Variants in ZNF804B observed in about 807,000 individuals in gnomAD.
ZNF804B encodes the protein zinc finger protein 804B.
In ZNF804B, 80 loss-of-function variants were observed where a neutral mutation model predicts 101.4. That is an observed-to-expected ratio of 0.79 (90% confidence interval 0.66 to 0.95). ZNF804B has a LOEUF of 0.95. Among genes scored for constraint, ZNF804B ranks in the 40% least tolerant of loss-of-function variants. ZNF804B has a pLI of 0.00. For missense variants in ZNF804B, 1,673 were observed against 1,561.9 expected, an observed-to-expected ratio of 1.07 and a Z score of -1.20; for synonymous variants, 622 against 558.8, an observed-to-expected ratio of 1.11 and a Z score of -1.59.
intron 1 of ZNF804B, among the ~76,000 whole-genome samples, chr7:89,153,757 CTG>C (rs550222023): frequency 1.1e-3 from 174 of 152,210 alleles, no homozygotes; most frequent in Middle Eastern, 6.8e-3. Flanking sequence ...TCCTCTGAGA[CTG>C]TTCTATTGAA....
At chr7:89,206,928 CTT>C (rs1401599556) in intron 1 of ZNF804B, among the ~76,000 whole-genome samples, 2 of 152,214 alleles carry the variant, frequency 1.3e-5, no homozygotes, top group African/African-American at 4.8e-5. Flanking sequence ...CTGCCAGTCT[CTT>C]TGCTAAAACA....
intron 1 of ZNF804B, among the ~76,000 whole-genome samples, chr7:89,176,961 T>A (rs1791332523): frequency 6.6e-6 from 1 of 152,134 alleles, no homozygotes. Flanking sequence ...TTATTTGAAT[T>A]TCTGTGGCAT....
intron 2 of ZNF804B, among the ~76,000 whole-genome samples, chr7:89,267,816 G>T (rs1479145825): frequency 6.6e-6 from 1 of 152,004 alleles, no homozygotes; most frequent in Admixed American, 6.6e-5. Context: ...AAGTACCTTG[G>T]GTAGGATAGA....
intron 1 of ZNF804B, among the ~76,000 whole-genome samples, chr7:89,141,370 C>A (rs1584011227): frequency 6.6e-6 from 1 of 152,004 alleles, no homozygotes; most frequent in African/African-American, 2.4e-5. Context: ...AAAAAAGACA[C>A]CTTCTGTGAA....
chr7:88,982,656 G>A (rs776461627), intron 1 of ZNF804B, among the ~76,000 whole-genome samples: 1 of 152,060 alleles, frequency 6.6e-6, no homozygotes, highest in Middle Eastern at 3.4e-3. Context: ...TTTTACCTTA[G>A]TTACACCCCT....
intron 1 of ZNF804B, among the ~76,000 whole-genome samples, chr7:88,816,020 T>G (rs1790870315): frequency 6.6e-6 from 1 of 152,152 alleles, no homozygotes; most frequent in Admixed American, 6.5e-5. Context: ...ACTCCGACTC[T>G]AAATATTTCA....
At chr7:89,257,675 A>T (rs922977879) in intron 2 of ZNF804B, among the ~76,000 whole-genome samples, 7 of 152,146 alleles carry the variant, frequency 4.6e-5, no homozygotes, top group African/African-American at 1.4e-4. Context: ...AGTAAATTGC[A>T]TGTTGTAGGG....
chr7:88,938,649 A>G (rs1793009068), intron 1 of ZNF804B, among the ~76,000 whole-genome samples: 1 of 152,054 alleles, frequency 6.6e-6, no homozygotes. Context: ...TCAGGTATAT[A>G]CTGGCTTTCT....
intron 2 of ZNF804B, among the ~76,000 whole-genome samples, chr7:89,227,716 A>T (rs895637451): frequency 5.9e-5 from 9 of 152,124 alleles, no homozygotes; most frequent in African/African-American, 1.2e-4. Flanking sequence ...AGAGAGAGAG[A>T]GTGTTCCACA....
chr7:89,175,950 A>T (rs2115564808), intron 1 of ZNF804B, among the ~76,000 whole-genome samples: 1 of 152,114 alleles, frequency 6.6e-6, no homozygotes, highest in East Asian at 1.9e-4. Flanking sequence ...TAGTTCTAAT[A>T]GTTTCTGGTA....
rs150475732 is a variant in ZNF804B, at chr7:88,964,236, C to T, written c.108+204152C>T. On this transcript the variant is annotated intron_variant, in intron 1 of 3. Coordinates refer to ENST00000333190, the MANE Select transcript of ZNF804B (RefSeq NM_181646.5). ...GAACAGATATTTTTACACCAATTTT[C>T]ATAGCTGTGTTATTCACAATTGCCA... Among the ~76,000 whole-genome samples, 70 of 151,486 alleles carry T rather than the reference C, an allele frequency of 4.6e-4. 1 individual carries two copies. In the East Asian group the frequency reaches 0.013, roughly 29 times the overall value.
Position 89,276,105 on chromosome 7 carries a change from G to T in ZNF804B, c.250-51239G>T, listed in dbSNP as rs545927336. On this transcript the variant is annotated intron_variant, in intron 2 of 3. Transcript: ENST00000333190. ...ACACCATATATTTTCATGTATAAGT[G>T]GGAGATGAAAAATGAGAACACATGG... Among the ~76,000 whole-genome samples, 10 of 151,890 alleles carry T rather than the reference G, an allele frequency of 6.6e-5. No individual in the cohort carries two copies. The South Asian group carries it at 1.7e-3, about 25-fold the overall frequency.
intron 2 of ZNF804B, among the ~76,000 whole-genome samples, chr7:89,279,206 C>G (rs971862423): frequency 2.6e-4 from 39 of 151,980 alleles, no homozygotes; most frequent in African/African-American, 8.5e-4. Flanking sequence ...GATTTTGTAT[C>G]CTGAGACTTT....
At chr7:88,984,326 G>A (rs1465337558) in intron 1 of ZNF804B, among the ~76,000 whole-genome samples, 2 of 152,030 alleles carry the variant, frequency 1.3e-5, no homozygotes, top group Admixed American at 6.6e-5. Context: ...TAACTAGATT[G>A]CAAATGTTAC....
intron 1 of ZNF804B, among the ~76,000 whole-genome samples, chr7:89,054,909 T>C (rs1171103715): frequency 6.6e-6 from 1 of 152,104 alleles, no homozygotes; most frequent in Admixed American, 6.6e-5. Context: ...TTCAAGGCAT[T>C]GATACTTATC....
At chr7:89,030,673 T>G (rs1323406120) in intron 1 of ZNF804B, among the ~76,000 whole-genome samples, 1 of 152,176 alleles carries the variant, frequency 6.6e-6, no homozygotes, top group Non-Finnish European at 1.5e-5. Flanking sequence ...TTCCCTTGTC[T>G]TTTTCCTAAT....
At chr7:89,137,231 G>A (rs1004692873) in intron 1 of ZNF804B, among the ~76,000 whole-genome samples, 2 of 152,018 alleles carry the variant, frequency 1.3e-5, no homozygotes, top group Non-Finnish European at 2.9e-5. Context: ...GTGCTCAGAT[G>A]ATGTTAAGGT....
At chr7:89,031,377 T>C (rs915143477) in intron 1 of ZNF804B, among the ~76,000 whole-genome samples, 2 of 151,948 alleles carry the variant, frequency 1.3e-5, no homozygotes, top group Non-Finnish European at 2.9e-5. Flanking sequence ...CACACTCTTA[T>C]AATCATTTCT....
At chr7:88,839,779 C>T (rs577283100) in intron 1 of ZNF804B, among the ~76,000 whole-genome samples, 10 of 151,550 alleles carry the variant, frequency 6.6e-5, no homozygotes, top group African/African-American at 2.4e-4. Flanking sequence ...CTCTTGTGCA[C>T]ATCATTTCTT....
Sources: gnomAD v4.1 joint callset for allele counts (sites outside exome capture counted in the v4.1 genomes callset) on GRCh38, gnomAD v4.1.1 for gene constraint, MANE v1.5 for transcripts, NCBI Gene and HGNC (gene_info 2026-07-23, HGNC 2026-07-21) for gene names.